The following SEM1 variants were observed in gnomAD, a reference collection of about 807,000 sequenced individuals.
SEM1 encodes the protein SEM1 26S proteasome subunit.
Under a neutral mutation model 12.7 loss-of-function variants are expected in SEM1, and 3 were observed. That is an observed-to-expected ratio of 0.24 (90% CI 0.11 to 0.61). The LOEUF is 0.61. Among genes scored for constraint, SEM1 ranks in the 20% least tolerant of loss-of-function variants. The pLI, the probability that SEM1 is intolerant of heterozygous loss-of-function variation, is 0.88. For synonymous variants in SEM1, 30 were observed against 27.8 expected (o/e 1.08, Z -0.25); for missense variants, 59 against 81.3 (o/e 0.73, Z 1.06).
chr7:96,527,904 T>A (rs1256628934), intron 2 of SEM1, among the ~76,000 whole-genome samples: 1 of 152,138 alleles, frequency 6.6e-6, no homozygotes, highest in Non-Finnish European at 1.5e-5. Context: ...TCTTTGGAAA[T>A]AATTAAAATC....
chr7:96,511,912 A>G (rs1342114584), intron 2 of SEM1, among the ~76,000 whole-genome samples: 1 of 152,080 alleles, frequency 6.6e-6, no homozygotes, highest in Non-Finnish European at 1.5e-5. Context: ...ATGCATACAA[A>G]TCACCTGACA....
chr7:96,541,451 T>G (rs1016334928), intron 2 of SEM1, among the ~76,000 whole-genome samples: 12 of 149,272 alleles, frequency 8.0e-5, no homozygotes, highest in Non-Finnish European at 1.5e-4. Flanking sequence ...TTGTTTTTTT[T>G]TTTTTTTTGC....
chr7:96,704,963 G>C (rs1366547991), intron 1 of SEM1, among the ~76,000 whole-genome samples: 1 of 152,100 alleles, frequency 6.6e-6, no homozygotes, highest in Non-Finnish European at 1.5e-5. Context: ...CCCACTAAAT[G>C]CTGGCAGTTT....
chr7:96,499,544 A>G (rs1477841348), upstream of SEM1, among the ~76,000 whole-genome samples: 4 of 152,202 alleles, frequency 2.6e-5, no homozygotes, highest in Admixed American at 6.5e-5. Flanking sequence ...ATTTTATTTC[A>G]ACGAGCATTT....
intron 2 of SEM1, among the ~76,000 whole-genome samples, chr7:96,646,369 G>C (rs894405083): frequency 6.6e-6 from 1 of 152,090 alleles, no homozygotes; most frequent in African/African-American, 2.4e-5. Context: ...TCCAAATCTT[G>C]CTCATTCCTA....
intron 2 of SEM1, among the ~76,000 whole-genome samples, chr7:96,616,969 T>A (rs987936941): frequency 6.6e-6 from 1 of 152,170 alleles, no homozygotes; most frequent in African/African-American, 2.4e-5. Flanking sequence ...GAATTCGAAG[T>A]CAGGTAATGT....
chr7:96,659,913 C>CAAAAAAAA (rs71529826), intron 2 of SEM1, among the ~76,000 whole-genome samples: 10 of 66,702 alleles, frequency 1.5e-4, no homozygotes, highest in African/African-American at 3.0e-4. Context: ...AGTAAGATGG[C>CAAAAAAAA]AAAAAAAAAA....
At chr7:96,647,085 G>A (rs1317511426) in intron 2 of SEM1, among the ~76,000 whole-genome samples, 1 of 152,134 alleles carries the variant, frequency 6.6e-6, no homozygotes, top group Non-Finnish European at 1.5e-5. Flanking sequence ...ATATGTTTCG[G>A]TCTCTGGTGT....
At chr7:96,483,640 A>G (rs1172253842) in exon 4 of SEM1, 2 of 548,296 alleles carry the variant, frequency 3.6e-6, no homozygotes, top group Non-Finnish European at 6.5e-6. Context: ...GACAGAGGGA[A>G]AGAGCACTAG....
At chr7:96,484,242 T>C (rs1802663530) in intron 3 of SEM1, among the ~76,000 whole-genome samples, 1 of 152,152 alleles carries the variant, frequency 6.6e-6, no homozygotes, top group African/African-American at 2.4e-5. Flanking sequence ...ATGTAGCCAC[T>C]GAGTACATTC....
At chr7:96,575,978 G>A (rs1806193122) in intron 2 of SEM1, among the ~76,000 whole-genome samples, 1 of 152,146 alleles carries the variant, frequency 6.6e-6, no homozygotes, top group Admixed American at 6.5e-5. Flanking sequence ...CTTTGTATAT[G>A]TTAAAGTTTT....
intron 2 of SEM1, among the ~76,000 whole-genome samples, chr7:96,651,885 T>C (rs573348032): frequency 1.3e-5 from 2 of 152,176 alleles, no homozygotes; most frequent in Non-Finnish European, 2.9e-5. Flanking sequence ...AAAAGGGTTT[T>C]AAGATGCAAA....
At chr7:96,509,038 G>A (rs1407748502) in intron 2 of SEM1, among the ~76,000 whole-genome samples, 1 of 150,082 alleles carries the variant, frequency 6.7e-6, no homozygotes, top group African/African-American at 2.4e-5. Context: ...CCAGGCTGGA[G>A]TGCAGTGGCA....
At chr7:96,659,027 A>G (rs1255838209) in intron 2 of SEM1, among the ~76,000 whole-genome samples, 2 of 152,182 alleles carry the variant, frequency 1.3e-5, no homozygotes, top group East Asian at 3.8e-4. Flanking sequence ...TGGATGTCTC[A>G]GAAAACTTGG....
intron 2 of SEM1, among the ~76,000 whole-genome samples, chr7:96,598,409 T>TCCC (rs35910742): frequency 9.4e-5 from 14 of 148,200 alleles, no homozygotes; most frequent in South Asian, 2.1e-4. Context: ...TTTTTTTTTT[T>TCCC]CCCCCAAATA....
intron 2 of SEM1, among the ~76,000 whole-genome samples, chr7:96,565,075 A>G (rs1213753544): frequency 6.6e-6 from 1 of 151,988 alleles, no homozygotes; most frequent in Non-Finnish European, 1.5e-5. Context: ...TCCTCTCCCT[A>G]TAAACTCAGA....
At chr7:96,664,730 A>G (rs1789121032) in intron 2 of SEM1, among the ~76,000 whole-genome samples, 1 of 152,180 alleles carries the variant, frequency 6.6e-6, no homozygotes, top group Non-Finnish European at 1.5e-5. Context: ...CACACACACC[A>G]GGATACATGG....
At chr7:96,588,713 C>T (rs1187739884) in intron 2 of SEM1, among the ~76,000 whole-genome samples, 1 of 152,056 alleles carries the variant, frequency 6.6e-6, no homozygotes, top group Non-Finnish European at 1.5e-5. Context: ...CTGCAGTGAG[C>T]CGTGATTACA....
At chr7:96,553,212 G>A (rs1805353513) in intron 2 of SEM1, among the ~76,000 whole-genome samples, 2 of 149,794 alleles carry the variant, frequency 1.3e-5, no homozygotes, top group South Asian at 4.2e-4. Flanking sequence ...GATCCCATTT[G>A]TCAATTTTGT....
Sources: allele counts gnomAD v4.1 joint callset (sites outside exome capture counted in the v4.1 genomes callset), GRCh38; gene constraint gnomAD v4.1.1; transcripts MANE v1.5; gene names NCBI Gene and HGNC (gene_info 2026-07-23, HGNC 2026-07-21).